RCL1: variants seen among roughly 807,000 people sequenced by gnomAD.
The protein encoded by RCL1 is RNA terminal phosphate cyclase like 1, also known as RNA 3'-terminal phosphate cyclase-like protein.
Under a neutral mutation model 42.4 loss-of-function variants are expected in RCL1, and 24 were observed. That is an observed-to-expected ratio of 0.57 (90% CI 0.41 to 0.80). The LOEUF (loss-of-function observed/expected upper bound fraction) is 0.80. Ranked by LOEUF, RCL1 falls within the 30% of genes least tolerant of loss-of-function variation. The pLI, the probability that RCL1 is intolerant of heterozygous loss-of-function variation, is 0.00. For missense variants in RCL1, 578 were observed against 467.9 expected, an observed-to-expected ratio of 1.24 and a Z score of -2.17; for synonymous variants, 228 against 177.3, an observed-to-expected ratio of 1.29 and a Z score of -2.27.
At chr9:4,847,545 T>A (rs759936511) in intron 7 of RCL1, among the ~76,000 whole-genome samples, 1 of 152,202 alleles carries the variant, frequency 6.6e-6, no homozygotes, top group African/African-American at 2.4e-5. Context: ...ACTGCCTGCC[T>A]CCCTGCTCCA....
chr9:4,822,952 C>T (rs574252106), intron 1 of RCL1, among the ~76,000 whole-genome samples: 2 of 151,954 alleles, frequency 1.3e-5, no homozygotes, highest in East Asian at 1.9e-4. Flanking sequence ...GGCAGTAATA[C>T]TGTACATTCA....
intron 3 of RCL1, among the ~76,000 whole-genome samples, chr9:4,830,038 C>G (rs1296715130): frequency 1.3e-5 from 2 of 152,132 alleles, no homozygotes; most frequent in African/African-American, 4.8e-5. Flanking sequence ...AGAAGAGGAG[C>G]TAGAGACAGA....
At chr9:4,796,134 A>G (rs557366053) in intron 1 of RCL1, among the ~76,000 whole-genome samples, 2 of 152,226 alleles carry the variant, frequency 1.3e-5, no homozygotes, top group Admixed American at 1.3e-4. Flanking sequence ...CATGTTTGTT[A>G]CATGGATATA....
chr9:4,848,465 T>G (rs1257460582), intron 7 of RCL1, among the ~76,000 whole-genome samples: 1 of 152,230 alleles, frequency 6.6e-6, no homozygotes, highest in Non-Finnish European at 1.5e-5. Flanking sequence ...CAGGGGCAGT[T>G]GTAGCCATAT....
chr9:4,824,707 A>C (rs756983859), intron 2 of RCL1, among the ~76,000 whole-genome samples: 8 of 152,172 alleles, frequency 5.3e-5, no homozygotes, highest in Non-Finnish European at 1.2e-4. Context: ...GCTTGGGTTC[A>C]TATGTGGTCC....
chr9:4,810,945 T>G (rs1305692727), intron 1 of RCL1, among the ~76,000 whole-genome samples: 1 of 152,182 alleles, frequency 6.6e-6, no homozygotes, highest in East Asian at 1.9e-4. Context: ...TAGTATTTAT[T>G]GGGCACAGTG....
intron 1 of RCL1, among the ~76,000 whole-genome samples, chr9:4,811,411 G>T (rs1290281242): frequency 6.6e-6 from 1 of 151,814 alleles, no homozygotes; most frequent in African/African-American, 2.4e-5. Context: ...ACCAGCCTTT[G>T]GCTATCCTTC....
chr9:4,809,464 C>G (rs1341697767), intron 1 of RCL1, among the ~76,000 whole-genome samples: 1 of 151,712 alleles, frequency 6.6e-6, no homozygotes, highest in Non-Finnish European at 1.5e-5. Context: ...CATGTGCCAC[C>G]ACACCCGGCT....
intron 8 of RCL1, among the ~76,000 whole-genome samples, chr9:4,859,443 G>T (rs1311074226): frequency 3.9e-5 from 6 of 152,110 alleles, no homozygotes; most frequent in African/African-American, 1.4e-4. Flanking sequence ...CTGAGGGAAG[G>T]ATTTTTATTT....
At chr9:4,837,553 C>T (rs193111664) in intron 5 of RCL1, among the ~76,000 whole-genome samples, 1 of 152,162 alleles carries the variant, frequency 6.6e-6, no homozygotes, top group Admixed American at 6.5e-5. Context: ...TGATTTCTGG[C>T]AGTGTGCTCT....
chr9:4,815,005 T>C (rs1223732939), intron 1 of RCL1, among the ~76,000 whole-genome samples: 1 of 152,182 alleles, frequency 6.6e-6, no homozygotes, highest in Non-Finnish European at 1.5e-5. Context: ...TTTCCTTGTA[T>C]TAACTTGATG....
intron 1 of RCL1, among the ~76,000 whole-genome samples, chr9:4,803,456 C>G (rs1054060011): frequency 6.6e-6 from 1 of 152,124 alleles, no homozygotes; most frequent in African/African-American, 2.4e-5. Flanking sequence ...TTTCCCTCCC[C>G]TCAACTTAGG....
chr9:4,851,882 A>G (rs1276421234), intron 8 of RCL1, among the ~76,000 whole-genome samples: 9 of 34,354 alleles, frequency 2.6e-4, no homozygotes, highest in African/African-American at 7.4e-4. Flanking sequence ...TATGTGTGAA[A>G]CTCTTTTTTT....
intron 8 of RCL1, among the ~76,000 whole-genome samples, chr9:4,858,568 T>G (rs1035050161): frequency 6.6e-6 from 1 of 152,222 alleles, no homozygotes; most frequent in Non-Finnish European, 1.5e-5. Flanking sequence ...CCAGCTTCAT[T>G]CTTTCACCTG....
chr9:4,842,810 C>T (rs1817378776), intron 6 of RCL1, among the ~76,000 whole-genome samples: 1 of 152,164 alleles, frequency 6.6e-6, no homozygotes, highest in South Asian at 2.1e-4. Context: ...CAGATAGCAG[C>T]AGAAGCTGTC....
At chr9:4,832,309 A>C (rs1816967006) in intron 3 of RCL1, among the ~76,000 whole-genome samples, 2 of 150,796 alleles carry the variant, frequency 1.3e-5, no homozygotes, top group Non-Finnish European at 3.0e-5. Context: ...CATCACCCCG[A>C]CTCCCCAACT....
intron 1 of RCL1, among the ~76,000 whole-genome samples, chr9:4,806,520 G>A (rs10974796): frequency 0.21 from 31,437 of 150,798 alleles, 3,830 homozygotes; most frequent in South Asian, 0.36. Flanking sequence ...TAAATATGGT[G>A]TATTGCCTTG....
At chr9:4,802,070 G>A (rs1843011457) in intron 1 of RCL1, among the ~76,000 whole-genome samples, 1 of 137,466 alleles carries the variant, frequency 7.3e-6, no homozygotes. Context: ...CACCACGCCT[G>A]GCTATTTTTT....
chr9:4,796,370 A>G (rs921294725), intron 1 of RCL1, among the ~76,000 whole-genome samples: 3 of 152,162 alleles, frequency 2.0e-5, no homozygotes, highest in Non-Finnish European at 4.4e-5. Context: ...TCTTAGGATA[A>G]TGGCCTCTAG....
Sources: gnomAD v4.1 joint callset for allele counts (sites outside exome capture counted in the v4.1 genomes callset) on GRCh38, gnomAD v4.1.1 for gene constraint, MANE v1.5 for transcripts, NCBI Gene and HGNC (gene_info 2026-07-23, HGNC 2026-07-21) for gene names.